Variants in BLTP3B observed in about 807,000 individuals in gnomAD.
BLTP3B encodes bridge-like lipid transfer protein family member 3B.
At chr12:100,097,460 C>T in the BLTP3B span, 1 of 1,613,158 alleles carries the variant, frequency 6.2e-7, no homozygotes, top group East Asian at 2.2e-5. Context: ...GTGGCATCTG[C>T]CTCTATTCTT....
At chr12:100,124,341 G>A in the BLTP3B span, among the ~76,000 whole-genome samples, 3 of 152,220 alleles carry the variant, frequency 2.0e-5, no homozygotes, top group South Asian at 4.1e-4. Flanking sequence ...AGTGGCTCAC[G>A]CCTGTAATCC....
the BLTP3B span, among the ~76,000 whole-genome samples, chr12:100,132,504 C>G: frequency 6.6e-6 from 1 of 152,202 alleles, no homozygotes; most frequent in Non-Finnish European, 1.5e-5. Context: ...ATCCCTCAGG[C>G]TCTGCCCTCT....
the BLTP3B span, among the ~76,000 whole-genome samples, chr12:100,113,726 G>A: frequency 1.3e-5 from 2 of 151,790 alleles, no homozygotes; most frequent in Admixed American, 1.3e-4. Context: ...GGGAGGCCAA[G>A]GTAGGAAGAT....
the BLTP3B span, among the ~76,000 whole-genome samples, chr12:100,111,806 A>G: frequency 2.0e-5 from 3 of 152,036 alleles, no homozygotes; most frequent in East Asian, 3.9e-4. Context: ...GGGTTTCACC[A>G]TGTTGGTCAG....
the BLTP3B span, chr12:100,103,900 T>C: frequency 5.0e-6 from 8 of 1,596,746 alleles, no homozygotes; most frequent in Non-Finnish European, 6.8e-6. Context: ...TCTAAAGTGG[T>C]TTCAGAACTC....
the BLTP3B span, chr12:100,058,046 T>C: frequency 3.8e-6 from 6 of 1,570,152 alleles, no homozygotes. Context: ...ATGACTGTGA[T>C]TTAAGTGTTC....
chr12:100,064,116 A>G, the BLTP3B span, among the ~76,000 whole-genome samples: 1 of 152,210 alleles, frequency 6.6e-6, no homozygotes, highest in Non-Finnish European at 1.5e-5. Context: ...GAATAAATAG[A>G]CACACTCATA....
At chr12:100,039,788 A>C in the BLTP3B span, 2 of 1,607,784 alleles carry the variant, frequency 1.2e-6, no homozygotes, top group Non-Finnish European at 1.7e-6. Flanking sequence ...GCATGTGAGA[A>C]TCTGATCAAA....
chr12:100,100,165 C>T, the BLTP3B span, among the ~76,000 whole-genome samples: 1 of 151,628 alleles, frequency 6.6e-6, no homozygotes, highest in African/African-American at 2.4e-5. Context: ...GTTAACTGGG[C>T]ATGGTGGCGC....
At chr12:100,039,653 A>G in the BLTP3B span, 5 of 1,614,036 alleles carry the variant, frequency 3.1e-6, no homozygotes, top group Non-Finnish European at 4.2e-6. Context: ...GAGAAGGCCA[A>G]GGAACCCCTG....
the BLTP3B span, among the ~76,000 whole-genome samples, chr12:100,096,324 T>C: frequency 1.3e-5 from 2 of 152,016 alleles, no homozygotes; most frequent in African/African-American, 2.4e-5. Flanking sequence ...GTACTAGAGA[T>C]GCAGTGGTAA....
the BLTP3B span, among the ~76,000 whole-genome samples, chr12:100,112,176 G>T: frequency 6.6e-6 from 1 of 152,282 alleles, no homozygotes; most frequent in South Asian, 2.1e-4. Flanking sequence ...AAAATGAGGA[G>T]GATTAAAATA....
At chr12:100,121,352 T>TG in the BLTP3B span, among the ~76,000 whole-genome samples, 8 of 84,124 alleles carry the variant, frequency 9.5e-5, no homozygotes, top group South Asian at 4.3e-4. Flanking sequence ...CTCCATCTCA[T>TG]GGAAAAAAAA....
the BLTP3B span, among the ~76,000 whole-genome samples, chr12:100,104,304 A>C: frequency 6.7e-6 from 1 of 149,536 alleles, no homozygotes; most frequent in African/African-American, 2.5e-5. Flanking sequence ...TCCTGGGTTC[A>C]AGCAATTCTC....
At chr12:100,085,941 A>C in the BLTP3B span, among the ~76,000 whole-genome samples, 1 of 152,114 alleles carries the variant, frequency 6.6e-6, no homozygotes, top group African/African-American at 2.4e-5. Context: ...AATTTAAAAC[A>C]TTAATAACTT....
the BLTP3B span, chr12:100,059,137 G>A: frequency 2.9e-5 from 47 of 1,614,130 alleles, no homozygotes; most frequent in Admixed American, 1.0e-4. Flanking sequence ...CTTATTGGCC[G>A]TCCTTTTCCA....
chr12:100,128,812 CTG>C, the BLTP3B span: 1 of 1,110,992 alleles, frequency 9.0e-7, no homozygotes, highest in African/African-American at 1.6e-5. Context: ...AAAAATTTAG[CTG>C]TGGTGCCCTT....
the BLTP3B span, among the ~76,000 whole-genome samples, chr12:100,048,414 T>C: frequency 2.0e-5 from 3 of 152,152 alleles, no homozygotes; most frequent in Non-Finnish European, 4.4e-5. Flanking sequence ...TTTCTGTTTT[T>C]TTGATAACAA....
At chr12:100,044,499 T>C in the BLTP3B span, among the ~76,000 whole-genome samples, 3 of 152,206 alleles carry the variant, frequency 2.0e-5, no homozygotes, top group Non-Finnish European at 4.4e-5. Context: ...TACTGACTCA[T>C]GCTCTTTCCA....
Sources: gnomAD v4.1 joint callset for allele counts (sites outside exome capture counted in the v4.1 genomes callset) on GRCh38, gnomAD v4.1.1 for gene constraint, MANE v1.5 for transcripts, NCBI Gene and HGNC (gene_info 2026-07-23, HGNC 2026-07-21) for gene names.